The following DPRX variants were observed in gnomAD, a reference collection of about 807,000 sequenced individuals.
DPRX encodes divergent paired-related homeobox.
In DPRX, 11 loss-of-function variants were observed where a neutral mutation model predicts 8.4. The observed-to-expected ratio is 1.31, with a 90% CI of 0.82 to 2.17. DPRX has a LOEUF of 2.17. Among genes scored for constraint, DPRX ranks in the 30% most tolerant of loss-of-function variants. The pLI is 0.00. For missense variants in DPRX, 211 were observed against 236.7 expected, an observed-to-expected ratio of 0.89 and a Z score of 0.71; for synonymous variants, 72 against 87.0, an observed-to-expected ratio of 0.83 and a Z score of 0.96.
the DPRX span, among the ~76,000 whole-genome samples, chr19:53,607,364 C>G: frequency 6.6e-6 from 1 of 152,224 alleles, no homozygotes; most frequent in Middle Eastern, 3.4e-3. Flanking sequence ...TTGAGACCAG[C>G]CTGGGCAACA....
chr19:53,604,485 C>T, the DPRX span: 1 of 152,714 alleles, frequency 6.5e-6, no homozygotes, highest in African/African-American at 2.4e-5. Flanking sequence ...TCACTGAACT[C>T]AAACAGGAAA....
intron 2 of DPRX, among the ~76,000 whole-genome samples, chr19:53,636,322 T>G (rs1009790192): frequency 6.6e-6 from 1 of 151,438 alleles, no homozygotes; most frequent in African/African-American, 2.4e-5. Flanking sequence ...GCCGAGATGG[T>G]GCCACTGAAC....
the DPRX span, chr19:53,608,482 C>A: frequency 6.9e-3 from 1,049 of 152,648 alleles, 12 homozygotes; most frequent in Non-Finnish European, 8.3e-3. Flanking sequence ...AATAAATAAA[C>A]CCACAGAGAC....
the DPRX span, among the ~76,000 whole-genome samples, chr19:53,609,466 C>CAAAAAAAAA: frequency 9.0e-5 from 5 of 55,486 alleles, no homozygotes; most frequent in Admixed American, 3.1e-4. Context: ...GACTCGGTCT[C>CAAAAAAAAA]AAAAAAAAAA....
At chr19:53,618,879 G>A in the DPRX span, among the ~76,000 whole-genome samples, 2 of 152,022 alleles carry the variant, frequency 1.3e-5, no homozygotes, top group South Asian at 4.1e-4. Context: ...ACAGGGTTTT[G>A]CCATGTTTGT....
chr19:53,627,435 C>CTTTTTTTTTT (rs759332421), upstream of DPRX, among the ~76,000 whole-genome samples: 3 of 102,522 alleles, frequency 2.9e-5, no homozygotes, highest in Non-Finnish European at 4.2e-5. Flanking sequence ...TTCTTTCTTT[C>CTTTTTTTTTT]TTTCTTTTTT....
upstream of DPRX, among the ~76,000 whole-genome samples, chr19:53,628,955 G>A (rs1472127361): frequency 1.1e-4 from 17 of 151,572 alleles, no homozygotes; most frequent in Non-Finnish European, 2.1e-4. Flanking sequence ...TCCTCCTCCC[G>A]GCCTGTCCAT....
chr19:53,619,422 CCT>C, the DPRX span, among the ~76,000 whole-genome samples: 1 of 152,056 alleles, frequency 6.6e-6, no homozygotes, highest in Non-Finnish European at 1.5e-5. Context: ...CGCCTGTAAT[CCT>C]AGCACTTTGT....
chr19:53,616,906 G>C, the DPRX span: 1 of 1,460,616 alleles, frequency 6.8e-7, no homozygotes, highest in Non-Finnish European at 9.6e-7. Flanking sequence ...GACTATGTAT[G>C]CTCTGGTGGT....
chr19:53,602,198 A>G, the DPRX span: 1 of 450,214 alleles, frequency 2.2e-6, no homozygotes, highest in Non-Finnish European at 4.5e-6. Flanking sequence ...GAACAGGTTC[A>G]ACTTCAGAAG....
chr19:53,602,060 G>A, the DPRX span: 3 of 456,666 alleles, frequency 6.6e-6, no homozygotes, highest in South Asian at 1.5e-5. Context: ...ATCCCACAAT[G>A]AGCACCAGCA....
the DPRX span, chr19:53,604,373 A>C: frequency 6.5e-6 from 1 of 152,766 alleles, no homozygotes; most frequent in Non-Finnish European, 1.5e-5. Context: ...AACCCCATCA[A>C]TCCTCACGTG....
intron 1 of DPRX, among the ~76,000 whole-genome samples, chr19:53,632,340 G>A (rs780212851): frequency 2.0e-5 from 3 of 152,096 alleles, no homozygotes; most frequent in South Asian, 2.1e-4. Flanking sequence ...TCACTCTGTC[G>A]CTCAGGCTGG....
At chr19:53,635,477 AC>A (rs2091108592) in intron 2 of DPRX, among the ~76,000 whole-genome samples, 1 of 152,018 alleles carries the variant, frequency 6.6e-6, no homozygotes, top group Non-Finnish European at 1.5e-5. Context: ...AGTAGGTGGG[AC>A]TACAGGTGTG....
chr19:53,634,599 A>G lies in DPRX; in HGVS notation c.97A>G (p.Ile33Val), dbSNP rs201720065. The change falls in exon 2 of 3, where the codon ATC becomes GTC. Residue 33 changes from isoleucine (I) to valine (V), a missense_variant. Transcript: ENST00000376650. ...TAAGAAGCAACTGGAAGATCTGAAC[A>G]TCTTGTTCAATGAGAACCCATACCC... is the stretch of plus-strand genomic sequence containing the variant. The G allele has an allele frequency of 2.0e-5, 32 of 1,613,864 alleles. No homozygotes were observed. The highest frequency in any genetic ancestry group is 5.0e-5 in the Admixed American group (3 of 59,972).
At chr19:53,626,783 C>T in the DPRX span, among the ~76,000 whole-genome samples, 1 of 152,266 alleles carries the variant, frequency 6.6e-6, no homozygotes, top group African/African-American at 2.4e-5. Flanking sequence ...ACTGTAGCCT[C>T]CGCCTCCAGG....
At chr19:53,616,819 C>A in the DPRX span, 4 of 1,598,882 alleles carry the variant, frequency 2.5e-6, no homozygotes, top group South Asian at 4.4e-5. Flanking sequence ...GACTTTGTAC[C>A]GTGTCCCGTT....
chr19:53,618,691 T>TG, the DPRX span, among the ~76,000 whole-genome samples: 2 of 150,484 alleles, frequency 1.3e-5, no homozygotes, highest in South Asian at 4.2e-4. Flanking sequence ...TCTCCAGATT[T>TG]TTTTTTTTTT....
chr19:53,626,665 C>T, the DPRX span, among the ~76,000 whole-genome samples: 1 of 152,148 alleles, frequency 6.6e-6, no homozygotes, highest in South Asian at 2.1e-4. Context: ...TCCGGTTTGG[C>T]AATGAGTGTT....
Sources: gnomAD v4.1 joint callset for allele counts (sites outside exome capture counted in the v4.1 genomes callset) on GRCh38, gnomAD v4.1.1 for gene constraint, MANE v1.5 for transcripts, NCBI Gene and HGNC (gene_info 2026-07-23, HGNC 2026-07-21) for gene names.